The following ZNF395 variants were observed in gnomAD, a reference collection of about 807,000 sequenced individuals.
The protein encoded by ZNF395 is HD gene regulatory region-binding protein 2.
ZNF395 carries 20 observed loss-of-function variants against 57.7 expected under a neutral mutation model. The ratio of observed to expected loss-of-function variants is 0.35; its 90% CI spans 0.24 to 0.50. The LOEUF (loss-of-function observed/expected upper bound fraction) is 0.50, where lower values mean the gene tolerates loss of function less well. Among genes scored for constraint, ZNF395 ranks in the 20% least tolerant of loss-of-function variants. The pLI is 0.97. For synonymous variants in ZNF395, 295 were observed against 275.9 expected (o/e 1.07, Z -0.69); for missense variants, 606 against 671.2 (o/e 0.90, Z 1.07).
chr8:28,377,417 T>A (rs1042716609), intron 1 of ZNF395, among the ~76,000 whole-genome samples: 5 of 152,182 alleles, frequency 3.3e-5, no homozygotes, highest in African/African-American at 1.2e-4. Flanking sequence ...AAATTTTTTT[T>A]AATTCAAATT....
At chr8:28,376,102 G>C (rs1802037098) in intron 1 of ZNF395, among the ~76,000 whole-genome samples, 1 of 152,038 alleles carries the variant, frequency 6.6e-6, no homozygotes, top group South Asian at 2.1e-4. Flanking sequence ...AGCCTCCCAA[G>C]TAGCTGCAAC....
chr8:28,362,490 C>T (rs1801862534), intron 1 of ZNF395, among the ~76,000 whole-genome samples: 1 of 152,358 alleles, frequency 6.6e-6, no homozygotes, highest in Admixed American at 6.5e-5. Flanking sequence ...CCAGGGACCT[C>T]AGCATCAATG....
chr8:28,363,663 C>T (rs530006417), intron 1 of ZNF395, among the ~76,000 whole-genome samples: 1 of 152,214 alleles, frequency 6.6e-6, no homozygotes, highest in Non-Finnish European at 1.5e-5. Flanking sequence ...TAATGGCCTC[C>T]CCACGTTCTA....
chr8:28,358,409 CTGTT>C (rs1023533652), intron 3 of ZNF395, among the ~76,000 whole-genome samples: 2 of 151,788 alleles, frequency 1.3e-5, no homozygotes, highest in South Asian at 4.1e-4. Context: ...CACACTCAGC[CTGTT>C]TGTTTGTTTT....
Position 28,361,311 on chromosome 8 carries a change from C to G in ZNF395, c.-58-129G>C, listed in dbSNP as rs1801846969. 6.5e-6 allele frequency: 5 copies of G among 768,692 alleles called. No individual in the cohort carries two copies. In the East Asian group the frequency reaches 1.4e-4, roughly 21 times the overall value. The allele number at this position is 768,692 out of a possible 1,614,324, so 47.6% of individuals were successfully genotyped here. Reference sequence around the variant, plus strand: ...CCCTTTTACAAAAGTGATATCCATTCCTAGTAGGACAATCGGAAAAGCAAA... The same window carrying G: ...CCCTTTTACAAAAGTGATATCCATTGCTAGTAGGACAATCGGAAAAGCAAA... On this transcript the variant is annotated intron_variant, in intron 1 of 9. Transcript: ENST00000344423.
In ZNF395 at chr8:28,348,468, C is replaced by T; in HGVS notation, c.*251G>A. The T allele has an allele frequency of 2.2e-6, 1 of 452,786 alleles. No individual in the cohort carries two copies. Among genetic ancestry groups the T allele is most frequent in the Non-Finnish European group, 4.1e-6 (1 of 244,678 alleles). 28.0% of individuals were successfully genotyped at this position (452,786 alleles called of 1,614,324 possible). A position where few individuals can be genotyped will look rare whatever the true frequency, so the allele number is the denominator to read the frequency against. On this transcript the variant is annotated 3_prime_UTR_variant, in exon 10 of 10. Transcript: ENST00000344423. ...TAATTCTTTGGTCACTGGTTCACTGCTGAATAGCCTTGGTCAGTTTTGGCT... is the reference window on the plus strand; with the variant it reads ...TAATTCTTTGGTCACTGGTTCACTGTTGAATAGCCTTGGTCAGTTTTGGCT...
chr8:28,377,125 A>G (rs1040727502), intron 1 of ZNF395, among the ~76,000 whole-genome samples: 2 of 152,256 alleles, frequency 1.3e-5, no homozygotes, highest in Non-Finnish European at 2.9e-5. Context: ...AGAGGAATCT[A>G]AAAGTTTTAA....
chr8:28,362,525 A>G (rs1167694217), intron 1 of ZNF395, among the ~76,000 whole-genome samples: 1 of 152,216 alleles, frequency 6.6e-6, no homozygotes, highest in Non-Finnish European at 1.5e-5. Flanking sequence ...CCCAGTGCCT[A>G]TGGGGCTAAT....
intron 1 of ZNF395, among the ~76,000 whole-genome samples, chr8:28,362,450 G>A (rs1801862020): frequency 6.6e-6 from 1 of 152,194 alleles, no homozygotes; most frequent in South Asian, 2.1e-4. Flanking sequence ...GGTGCCGTGG[G>A]GTCACAGCAG....
chr8:28,377,317 T>C (rs1319708592), intron 1 of ZNF395, among the ~76,000 whole-genome samples: 2 of 152,182 alleles, frequency 1.3e-5, no homozygotes, highest in Non-Finnish European at 2.9e-5. Flanking sequence ...GGTGGGAGGA[T>C]GCCTCGAGCC....
chr8:28,374,590 A>G (rs1802018846), intron 1 of ZNF395, among the ~76,000 whole-genome samples: 1 of 152,216 alleles, frequency 6.6e-6, no homozygotes, highest in South Asian at 2.1e-4. Flanking sequence ...TCAGCAGTGC[A>G]CATCTGCGTT....
chr8:28,381,382 C>G (rs1386324565), intron 1 of ZNF395, among the ~76,000 whole-genome samples: 1 of 151,546 alleles, frequency 6.6e-6, no homozygotes, highest in Non-Finnish European at 1.5e-5. Flanking sequence ...GGGTCTCAAC[C>G]ATGTTGCCCA....
Position 28,356,686 on chromosome 8 carries a change from G to A in ZNF395, c.567C>T (p.Thr189=), listed in dbSNP as rs903281546. The A allele has an allele frequency of 1.1e-5, 18 of 1,613,822 alleles. No homozygotes were observed. The highest frequency in any genetic ancestry group is 1.1e-4 in the African/African-American group (8 of 74,894). Residue 189 remains threonine (T), a synonymous_variant, in exon 4 of 10, where the codon ACC becomes ACT. Transcript: ENST00000344423. The surrounding 1 kb of genome is among the most constrained non-coding windows in gnomAD (Gnocchi z 4.0). ...CSPVVQSPPG[T]EANFSASRAA... ...CTTGCTCACCAGAGAAGTTGGCCTCGGTCCCGGGAGGACTCTGTACAACAG... is the reference window on the plus strand; with the variant it reads ...CTTGCTCACCAGAGAAGTTGGCCTCAGTCCCGGGAGGACTCTGTACAACAG...
At chr8:28,371,923 C>A (rs944885062) in intron 1 of ZNF395, among the ~76,000 whole-genome samples, 1 of 152,118 alleles carries the variant, frequency 6.6e-6, no homozygotes, top group African/African-American at 2.4e-5. Flanking sequence ...ATGGTGGGCA[C>A]CTGCAATCCC....
At chr8:28,371,073 T>C (rs1298698304) in intron 1 of ZNF395, among the ~76,000 whole-genome samples, 1 of 152,204 alleles carries the variant, frequency 6.6e-6, no homozygotes, top group Non-Finnish European at 1.5e-5. Flanking sequence ...ATCATTCCCA[T>C]TTTACAGATG....
rs757860057 is a variant in ZNF395 at position 28,360,871 on chromosome 8, T to A, written c.240+14A>T. The A allele has an allele frequency of 1.2e-6, 2 of 1,612,702 alleles. No individual in the cohort carries two copies. Among genetic ancestry groups the A allele is most frequent in the Non-Finnish European group, 1.7e-6 (2 of 1,179,608 alleles). Reference sequence around the variant, plus strand: ...GGCAAGACGGGACACCTGTCCATGTTGGGATCAACCTACCTTCTGCCCAGG... The same window carrying A: ...GGCAAGACGGGACACCTGTCCATGTAGGGATCAACCTACCTTCTGCCCAGG... On this transcript the variant is annotated intron_variant, in intron 2 of 9. Coordinates refer to ENST00000344423, the MANE Select transcript of ZNF395 (RefSeq NM_018660.3).
chr8:28,381,737 A>G (rs997052481), intron 1 of ZNF395, among the ~76,000 whole-genome samples: 1 of 151,958 alleles, frequency 6.6e-6, no homozygotes, highest in African/African-American at 2.4e-5. Context: ...TGTGACTCAC[A>G]CCTCACCAAG....
chr8:28,355,388 C>A (rs1801766668), intron 4 of ZNF395, among the ~76,000 whole-genome samples: 1 of 151,840 alleles, frequency 6.6e-6, no homozygotes, highest in East Asian at 1.9e-4. Flanking sequence ...TATATTTCCA[C>A]TGACTTCAGC....
At chr8:28,366,778 C>CA (rs938210046) in intron 1 of ZNF395, among the ~76,000 whole-genome samples, 2 of 148,020 alleles carry the variant, frequency 1.4e-5, no homozygotes, top group African/African-American at 5.0e-5. Context: ...GTTCTCAAGC[C>CA]TTTTTTTTCC....
Sources: allele counts gnomAD v4.1 joint callset (sites outside exome capture counted in the v4.1 genomes callset), GRCh38; gene constraint gnomAD v4.1.1; non-coding constraint Gnocchi (gnomAD v3.1); transcripts MANE v1.5; gene names NCBI Gene and HGNC (gene_info 2026-07-23, HGNC 2026-07-21).